Variants in ERI3 observed in about 807,000 individuals in gnomAD.
ERI3 encodes ERI1 exoribonuclease 3.
In ERI3, 18 loss-of-function variants were observed where a neutral mutation model predicts 44.4. The observed-to-expected ratio is 0.41, with a 90% CI of 0.28 to 0.60. ERI3 has a LOEUF of 0.60. Ranked by LOEUF, ERI3 falls within the 20% of genes least tolerant of loss-of-function variation. The pLI is 0.36. For synonymous variants in ERI3, 183 were observed against 164.8 expected (o/e 1.11, Z -0.84); for missense variants, 294 against 435.5 (o/e 0.68, Z 2.89).
intron 7 of ERI3, among the ~76,000 whole-genome samples, chr1:44,249,723 A>AT (rs1447025472): frequency 6.6e-6 from 1 of 152,134 alleles, no homozygotes; most frequent in Non-Finnish European, 1.5e-5. Context: ...CAGAGCTGGG[A>AT]TGGAGGCAGT....
At chr1:44,350,755 C>A (rs1646873412) in intron 2 of ERI3, among the ~76,000 whole-genome samples, 1 of 151,910 alleles carries the variant, frequency 6.6e-6, no homozygotes, top group South Asian at 2.1e-4. Context: ...ATTTATAGAT[C>A]AGTTTTGTTG....
At chr1:44,314,765 A>T (rs1380835922) in intron 4 of ERI3, among the ~76,000 whole-genome samples, 1 of 152,218 alleles carries the variant, frequency 6.6e-6, no homozygotes, top group Non-Finnish European at 1.5e-5. Flanking sequence ...TAGAAAGCCT[A>T]CTACGGGCTG....
At chr1:44,250,127 T>C (rs1455862532) in intron 7 of ERI3, among the ~76,000 whole-genome samples, 1 of 152,230 alleles carries the variant, frequency 6.6e-6, no homozygotes, top group Non-Finnish European at 1.5e-5. Context: ...ATTTCAGTAA[T>C]AGATTCTCGG....
chr1:44,309,485 ACT>A (rs1467896951), intron 5 of ERI3, among the ~76,000 whole-genome samples: 2 of 151,816 alleles, frequency 1.3e-5, no homozygotes, highest in African/African-American at 4.8e-5. Context: ...ACAGAGCGAG[ACT>A]CTGTAAAAAA....
intron 6 of ERI3, among the ~76,000 whole-genome samples, chr1:44,302,067 C>A (rs1440766000): frequency 5.9e-5 from 9 of 152,198 alleles, no homozygotes. Flanking sequence ...TTCACCTGTC[C>A]CTGTCGGCCA....
intron 5 of ERI3, among the ~76,000 whole-genome samples, chr1:44,310,966 C>CAG (rs1645956339): frequency 1.4e-4 from 2 of 13,970 alleles, no homozygotes; most frequent in African/African-American, 5.7e-4. Flanking sequence ...CGCGCGCGCA[C>CAG]ACACACACAC....
At chr1:44,283,510 G>A (rs1645330737) in intron 7 of ERI3, among the ~76,000 whole-genome samples, 1 of 152,218 alleles carries the variant, frequency 6.6e-6, no homozygotes, top group African/African-American at 2.4e-5. Flanking sequence ...AGATGACTGA[G>A]GGACATTTCA....
intron 6 of ERI3, among the ~76,000 whole-genome samples, chr1:44,297,884 A>T (rs1315692160): frequency 1.3e-5 from 2 of 152,224 alleles, no homozygotes; most frequent in Non-Finnish European, 2.9e-5. Context: ...CAATATTGAG[A>T]AACCCTTTCA....
chr1:44,275,173 T>C (rs1266422684), intron 7 of ERI3, among the ~76,000 whole-genome samples: 2 of 152,188 alleles, frequency 1.3e-5, no homozygotes, highest in Non-Finnish European at 2.9e-5. Flanking sequence ...TTGTTTTTTT[T>C]TCCAAGTTAG....
intron 6 of ERI3, among the ~76,000 whole-genome samples, chr1:44,307,347 A>C (rs886084524): frequency 6.6e-6 from 1 of 152,082 alleles, no homozygotes; most frequent in African/African-American, 2.4e-5. Context: ...AGAAAATGTT[A>C]CTGCAGAGCT....
intron 2 of ERI3, among the ~76,000 whole-genome samples, chr1:44,352,598 T>C (rs1263947537): frequency 2.0e-5 from 3 of 152,200 alleles, no homozygotes; most frequent in South Asian, 2.1e-4. Flanking sequence ...CATAAAGCAG[T>C]TGTGACAGAA....
chr1:44,350,293 G>A (rs1389446541), intron 2 of ERI3, among the ~76,000 whole-genome samples: 2 of 148,964 alleles, frequency 1.3e-5, no homozygotes, highest in South Asian at 2.1e-4. Flanking sequence ...ACAGAGTCTC[G>A]CTCTGTTGCC....
At chr1:44,224,625 T>C (rs1457771730) in intron 8 of ERI3, among the ~76,000 whole-genome samples, 1 of 152,188 alleles carries the variant, frequency 6.6e-6, no homozygotes, top group Non-Finnish European at 1.5e-5. Flanking sequence ...CTCCTCTTTC[T>C]GAAGAAAAGG....
chr1:44,297,706 T>C (rs1475598653), intron 6 of ERI3, among the ~76,000 whole-genome samples: 1 of 152,218 alleles, frequency 6.6e-6, no homozygotes, highest in East Asian at 1.9e-4. Context: ...AACTGGTGGT[T>C]TGCTTTAGCA....
At chr1:44,236,652 G>T (rs1008326795) in intron 8 of ERI3, among the ~76,000 whole-genome samples, 6 of 151,976 alleles carry the variant, frequency 3.9e-5, no homozygotes, top group African/African-American at 1.5e-4. Flanking sequence ...ATGAGGGAAG[G>T]GCGTGGAGTG....
In ERI3 at chr1:44,252,479, G is replaced by A. The variant is rs933829240; in HGVS notation, c.832-4441C>T. Among the ~76,000 whole-genome samples the A allele has an allele frequency of 3.9e-5, 6 of 152,190 alleles. No individual in the cohort carries two copies. The highest frequency in any genetic ancestry group is 6.5e-5 in the Admixed American group (1 of 15,284). ...TGTAACAGGGAGCTTTGCCATTAGCGCCTTTAATATTCTGACACCTCAGCG... is the reference window on the plus strand; with the variant it reads ...TGTAACAGGGAGCTTTGCCATTAGCACCTTTAATATTCTGACACCTCAGCG... On this transcript the variant is annotated intron_variant, in intron 7 of 8. Coordinates refer to ENST00000372257, the MANE Select transcript of ERI3 (RefSeq NM_024066.3). This position sits in a 1 kb window ranked among gnomAD's most constrained non-coding sequence, Gnocchi z 4.7.
intron 8 of ERI3, among the ~76,000 whole-genome samples, chr1:44,222,792 A>G (rs1056781304): frequency 1.3e-5 from 2 of 152,128 alleles, no homozygotes; most frequent in African/African-American, 2.4e-5. Flanking sequence ...GCCACCACCA[A>G]CCTTCATAGG....
At chr1:44,341,008 T>C (rs1317470907) in intron 2 of ERI3, among the ~76,000 whole-genome samples, 2 of 152,202 alleles carry the variant, frequency 1.3e-5, no homozygotes, top group African/African-American at 4.8e-5. Flanking sequence ...CCAAAGTCCC[T>C]CAAGGACTTA....
In ERI3 at chr1:44,335,116, T is replaced by C. The variant is rs188414008; in HGVS notation, c.489+3929A>G. ...GCACTTTAGGAGGCCGAGGTGGAAG[T>C]ATCATTTGAACCCAGGAGTTTGAAA... On this transcript the variant is annotated intron_variant, in intron 3 of 8. Transcript: ENST00000372257. Among the ~76,000 whole-genome samples, 28 of 152,114 alleles carry C rather than the reference T, an allele frequency of 1.8e-4. No individual in the cohort carries two copies. The East Asian group carries it at 5.2e-3, about 28-fold the overall frequency.
Sources: gnomAD v4.1 joint callset for allele counts (sites outside exome capture counted in the v4.1 genomes callset) on GRCh38, gnomAD v4.1.1 for gene constraint, Gnocchi (gnomAD v3.1) non-coding constraint, MANE v1.5 for transcripts, NCBI Gene and HGNC (gene_info 2026-07-23, HGNC 2026-07-21) for gene names.